The following ZNF850 variants were observed in gnomAD, a reference collection of about 807,000 sequenced individuals.
The protein encoded by ZNF850 is putative zinc finger protein ENSP00000330994.
Under a neutral mutation model 11.9 loss-of-function variants are expected in ZNF850, and 2 were observed. The observed-to-expected ratio is 0.17, with a 90% CI of 0.07 to 0.53. ZNF850 has a LOEUF of 0.53. Ranked by LOEUF, ZNF850 falls within the 20% of genes least tolerant of loss-of-function variation. ZNF850 has a pLI of 0.94. For synonymous variants in ZNF850, 381 were observed against 443.0 expected (o/e 0.86, Z 1.76); for missense variants, 1,014 against 1,316.4 (o/e 0.77, Z 3.55).
Position 36,755,328 on chromosome 19 carries a change from A to C in ZNF850, c.236-4524T>G, listed in dbSNP as rs569723766. On this transcript the variant is annotated intron_variant, in intron 4 of 4. Coordinates refer to ENST00000591344, the MANE Select transcript of ZNF850 (RefSeq NM_001193552.2). The stretch of plus-strand genomic sequence containing the variant: ...CTGCAACCTCCACCTCCCAGGTTCA[A>C]TCAGTTCTGTGCCTCAGCCATTTGA... 9.2e-5 allele frequency among the ~76,000 whole-genome samples: 14 copies of C among 152,150 alleles called. No homozygotes were observed. The Middle Eastern group carries it at 0.014, about 148-fold the overall frequency.
At chr19:36,753,948 T>C (rs2040469890) in intron 4 of ZNF850, among the ~76,000 whole-genome samples, 1 of 151,432 alleles carries the variant, frequency 6.6e-6, no homozygotes, top group South Asian at 2.1e-4. Context: ...TCTAAAACAG[T>C]GTAAAATAAA....
rs554109826 is a variant in ZNF850, at chr19:36,743,615, A to C, written c.*4152T>G. 6 of 127,444 alleles carry C rather than the reference A, an allele frequency of 4.7e-5. No homozygotes were observed. The East Asian group carries it at 1.2e-3, about 26-fold the overall frequency. 7.9% of individuals were successfully genotyped at this position (127,444 alleles called of 1,614,324 possible). On this transcript the variant is annotated 3_prime_UTR_variant, in exon 5 of 5. Transcript: ENST00000591344. ...ATCCTTAGACAAAAACCAACAGTTT[A>C]GTACATAGTAATAGTAATCAATTAC...
intron 4 of ZNF850, among the ~76,000 whole-genome samples, chr19:36,759,063 C>A (rs1343734964): frequency 2.0e-5 from 3 of 147,506 alleles, no homozygotes; most frequent in Non-Finnish European, 3.0e-5. Context: ...AGCCTGGCAA[C>A]AGAGCAAGAC....
In ZNF850 at chr19:36,748,111, C is replaced by T. The variant is rs765682119; in HGVS notation, c.2929G>A (p.Gly977Ser). The T allele has an allele frequency of 9.7e-6, 15 of 1,549,004 alleles. No individual in the cohort carries two copies. The highest frequency in any genetic ancestry group is 4.9e-5 in the East Asian group (2 of 41,118). Residue 977 changes from glycine (G) to serine (S), a missense_variant, in exon 5 of 5, where the codon GGT becomes AGT. Transcript: ENST00000591344. Reference sequence around the variant, plus strand: ...TCTTTACATTCATAAGGTCTGTCACCGGTATGAATTCTCTGATGTAGAGTA... The same window carrying T: ...TCTTTACATTCATAAGGTCTGTCACTGGTATGAATTCTCTGATGTAGAGTA... ...HLTLHQRIHT[G>S]DRPYECKECG... is the part of the protein sequence containing the mutation.
rs1442415402 is a variant in ZNF850 at position 36,748,572 on chromosome 19, G to A, written c.2468C>T (p.Thr823Ile). The A allele has an allele frequency of 5.2e-6, 8 of 1,536,900 alleles. No individual in the cohort carries two copies. Among genetic ancestry groups the A allele is most frequent in the Admixed American group, 3.9e-5 (2 of 50,974 alleles). Residue 823 changes from threonine (T) to isoleucine (I), a missense_variant, in exon 5 of 5, where the codon ACT becomes ATT. Around this residue, in one of 2 missense-constraint regions of ZNF850, gnomAD observed 835 missense variants for 1,022.0 expected, o/e 0.82. Transcript: ENST00000591344. ...YHCKECGKSF[T>I]LRSALIQHRP... ...ATGTTGAATTAGTGCTGAGCGAAGA[G>A]TAAAAGATTTCCCACATTCCTTGCA...
chr19:36,769,581 CAG>C (rs1411008324), intron 1 of ZNF850, among the ~76,000 whole-genome samples: 1 of 152,210 alleles, frequency 6.6e-6, no homozygotes, highest in East Asian at 1.9e-4. Flanking sequence ...GCCTGGGAGA[CAG>C]AGTGAGACCC....
intron 4 of ZNF850, among the ~76,000 whole-genome samples, chr19:36,759,102 C>T (rs1048887456): frequency 3.3e-5 from 5 of 151,756 alleles, no homozygotes; most frequent in Non-Finnish European, 7.4e-5. Flanking sequence ...AAATATTGGC[C>T]CAGGAATCTC....
chr19:36,770,703 C>CAAAAAAAAAAAAAAAAAAAA (rs567709722), intron 1 of ZNF850, among the ~76,000 whole-genome samples: 3 of 66,608 alleles, frequency 4.5e-5, no homozygotes, highest in Non-Finnish European at 9.4e-5. Context: ...GAGACTCCAT[C>CAAAAAAAAAAAAAAAAAAAA]AAAAAAAAAA....
At chr19:36,757,537 T>C (rs1159110481) in intron 4 of ZNF850, among the ~76,000 whole-genome samples, 3 of 145,870 alleles carry the variant, frequency 2.1e-5, no homozygotes, top group Non-Finnish European at 4.5e-5. Flanking sequence ...GACAGAGTCT[T>C]GCTCTGTTGC....
chr19:36,764,801 A>G (rs2040540130), intron 1 of ZNF850, among the ~76,000 whole-genome samples: 2 of 145,278 alleles, frequency 1.4e-5, no homozygotes, highest in African/African-American at 5.2e-5. Context: ...GCTCACTGCA[A>G]CCTCAGCCTC....
intron 4 of ZNF850, among the ~76,000 whole-genome samples, chr19:36,751,724 A>AAAAAAAAG: frequency 6.7e-6 from 1 of 149,142 alleles, no homozygotes; most frequent in Non-Finnish European, 1.5e-5. Flanking sequence ...AAAAAAAAAA[A>AAAAAAAAG]GCTAAGGAAA....
rs1568732383 is a variant in ZNF850 at position 36,748,591 on chromosome 19, C to T, written c.2449G>A (p.Glu817Lys). 3.9e-6 allele frequency: 6 copies of T among 1,537,146 alleles called. No individual in the cohort carries two copies. Among genetic ancestry groups the T allele is most frequent in the Non-Finnish European group, 4.4e-6 (5 of 1,146,928 alleles). The change falls in exon 5 of 5, where the codon GAA becomes AAA. Residue 817 changes from glutamate to lysine, a missense_variant. By Grantham distance (56) the Glu-to-Lys change is moderately conservative (BLOSUM62 1). This residue lies in a region of ZNF850 where 835 missense variants were observed against 1,022.0 expected (regional missense o/e 0.82). Transcript: ENST00000591344. ...HTGEKPYHCK[E>K]CGKSFTLRSA... ...CGAAGAGTAAAAGATTTCCCACATT[C>T]CTTGCAATGATAAGGTTTCTCACCA...
At chr19:36,754,594 C>T (rs2040473949) in intron 4 of ZNF850, among the ~76,000 whole-genome samples, 1 of 151,972 alleles carries the variant, frequency 6.6e-6, no homozygotes. Flanking sequence ...CTCACTCTGT[C>T]ACCCAGGCTG....
chr19:36,748,538 A>G lies in ZNF850; in HGVS notation c.2502T>C (p.Val834=). The change falls in exon 5 of 5, where the codon GTT becomes GTC. Residue 834 remains valine (V), a synonymous_variant. Transcript: ENST00000591344. ...AACTGTAGCGTTTCTCACCAGTGTG[A>G]ACTGGCCGATGTTGAATTAGTGCTG... ...LRSALIQHRP[V]HTGEKRYSCK... 1 of 1,537,378 alleles carries G rather than the reference A, an allele frequency of 6.5e-7. No individual in the cohort carries two copies. Among genetic ancestry groups the G allele is most frequent in the South Asian group, 1.2e-5 (1 of 84,068 alleles).
intron 1 of ZNF850, 80 bp from the exon 2 acceptor site, chr19:36,762,755 G>T: frequency 2.6e-6 from 2 of 758,376 alleles, no homozygotes; most frequent in Non-Finnish European, 4.3e-6. Context: ...CAAGCTGTAG[G>T]CCTAGCAAAG....
intron 1 of ZNF850, among the ~76,000 whole-genome samples, chr19:36,770,738 A>AAAAAC (rs2040576728): frequency 7.0e-6 from 1 of 141,870 alleles, no homozygotes; most frequent in Non-Finnish European, 1.5e-5. Context: ...AAAAAAAAAA[A>AAAAAC]GCCAGCACTT....
rs762701918 is a variant in ZNF850 at position 36,749,887 on chromosome 19, G to A, written c.1153C>T (p.Arg385Ter). ...TAGGGTTTCTCACCAGTGTGAATTC[G>A]CTGATGTCGAATTAGAGCTGAGTGA... ...TFHSALIRHQ[R>*]IHTGEKPYDC... The change falls in exon 5 of 5, where the codon CGA becomes TGA. Residue 385 changes from arginine to a stop codon, truncating the protein, a stop_gained. Coordinates refer to ENST00000591344, the MANE Select transcript of ZNF850 (RefSeq NM_001193552.2). LOFTEE classifies it low-confidence loss of function (END_TRUNC). The A allele has an allele frequency of 1.3e-5, 20 of 1,579,540 alleles. No homozygotes were observed. Among genetic ancestry groups the A allele is most frequent in the African/African-American group, 6.8e-5 (5 of 73,876 alleles).
intron 3 of ZNF850, among the ~76,000 whole-genome samples, chr19:36,762,045 C>CAAA (rs374193379): frequency 0.092 from 10,503 of 113,952 alleles, 473 homozygotes; most frequent in African/African-American, 0.14. Context: ...GACTTTGTCT[C>CAAA]AAAAAAAAAA....
Position 36,750,783 on chromosome 19 carries a change from G to C in ZNF850, c.257C>G (p.Thr86Ser). ...TTCTTTTGGCAAACATGAATCTTTG[G>C]TCTTACATCTAAACTCCGAGTCTGA... is the stretch of plus-strand genomic sequence containing the variant. ...WCRDSEFRCK[T>S]KDSCLPKEIY... Residue 86 changes from threonine (T) to serine (S), a missense_variant, in exon 5 of 5, where the codon ACC (threonine) becomes AGC (serine). By Grantham distance (58) the Thr-to-Ser change is moderately conservative. Transcript: ENST00000591344. The C allele has an allele frequency of 1.3e-6, 2 of 1,517,012 alleles. No individual in the cohort carries two copies. Among genetic ancestry groups the C allele is most frequent in the South Asian group, 1.2e-5 (1 of 82,016 alleles). 94.0% of individuals were successfully genotyped at this position (1,517,012 alleles called of 1,614,324 possible).
Sources: gnomAD v4.1 joint callset for allele counts (sites outside exome capture counted in the v4.1 genomes callset) on GRCh38, gnomAD v4.1.1 for gene constraint, gnomAD v4.1.1 regional missense constraint, MANE v1.5 for transcripts, NCBI Gene and HGNC (gene_info 2026-07-23, HGNC 2026-07-21) for gene names.